The following NRXN1 variants were observed in gnomAD, a reference collection of about 807,000 sequenced individuals.
NRXN1 encodes the protein neurexin 1, also known as neurexin-1.
Under a neutral mutation model 150.9 loss-of-function variants are expected in NRXN1, and 39 were observed. The ratio of observed to expected loss-of-function variants is 0.26; its 90% confidence interval spans 0.20 to 0.34. NRXN1 has a LOEUF of 0.34. Ranked by LOEUF, NRXN1 falls within the 10% of genes least tolerant of loss-of-function variation. The pLI, the probability that NRXN1 is intolerant of heterozygous loss-of-function variation, is 1.00. For synonymous variants in NRXN1, 924 were observed against 757.0 expected (o/e 1.22, Z -3.62); for missense variants, 1,815 against 1,949.9 (o/e 0.93, Z 1.30).
At chr2:50,730,667 GTTTTCTTT>G (rs1697979377) in intron 5 of NRXN1, among the ~76,000 whole-genome samples, 1 of 107,092 alleles carries the variant, frequency 9.3e-6, no homozygotes. Flanking sequence ...TATCTTTCTT[GTTTTCTTT>G]TTTTTTTTTT....
chr2:50,019,640 T>TAAAAAA, intron 21 of NRXN1, among the ~76,000 whole-genome samples: 1 of 6,002 alleles, frequency 1.7e-4, no homozygotes, highest in Non-Finnish European at 2.9e-4. Context: ...AGATTCCGTC[T>TAAAAAA]CAAAAAAAAA....
chr2:50,640,023 A>G (rs1683839879), intron 5 of NRXN1, among the ~76,000 whole-genome samples: 1 of 152,204 alleles, frequency 6.6e-6, no homozygotes, highest in African/African-American at 2.4e-5. Flanking sequence ...GTTAATTATT[A>G]GCAAATGCTA....
Position 50,251,625 on chromosome 2 carries a change from T to TG in NRXN1, c.3365-14656dup, listed in dbSNP as rs550690325. 6.0e-4 allele frequency among the ~76,000 whole-genome samples: 92 copies of TG among 152,292 alleles called. 1 individual carries two copies. The highest frequency in any genetic ancestry group is 1.1e-3 in the Non-Finnish European group (75 of 68,018). On this transcript the variant is annotated intron_variant, in intron 17 of 22. Coordinates refer to ENST00000401669, the MANE Select transcript of NRXN1 (RefSeq NM_001330078.2). ...TTGGCACACTGTCTTCCACACTGGT[T>TG]GAACTAATTTACATTCCCACCAACA...
Position 50,497,722 on chromosome 2 carries a change from A to G in NRXN1, c.2498-8T>C, listed in dbSNP as rs775167794. 4 of 1,597,486 alleles carry G rather than the reference A, an allele frequency of 2.5e-6. No individual in the cohort carries two copies. Among genetic ancestry groups the G allele is most frequent in the South Asian group, 1.1e-5 (1 of 88,676 alleles). ...GATCACCTGCCATTTGACCTAAAAGAGAAGATAATATATGATTATTTTCTG... is the reference window on the plus strand; with the variant it reads ...GATCACCTGCCATTTGACCTAAAAGGGAAGATAATATATGATTATTTTCTG... On this transcript the variant is annotated splice_region_variant and splice_polypyrimidine_tract_variant and intron_variant, in intron 13 of 22. Coordinates refer to ENST00000401669, the MANE Select transcript of NRXN1 (RefSeq NM_001330078.2).
At chr2:50,404,569 A>C (rs1455730342) in intron 17 of NRXN1, among the ~76,000 whole-genome samples, 1 of 152,092 alleles carries the variant, frequency 6.6e-6, no homozygotes, top group Non-Finnish European at 1.5e-5. Flanking sequence ...AAGCCCCTCC[A>C]ATCTTCTTTA....
At chr2:49,938,454 G>A (rs1671420201) in intron 22 of NRXN1, among the ~76,000 whole-genome samples, 1 of 152,138 alleles carries the variant, frequency 6.6e-6, no homozygotes. Flanking sequence ...TCTTTTGAGT[G>A]GTTGTACTGA....
chr2:50,499,544 C>A (rs1239544270), intron 13 of NRXN1, among the ~76,000 whole-genome samples: 1 of 148,906 alleles, frequency 6.7e-6, no homozygotes, highest in Non-Finnish European at 1.5e-5. Flanking sequence ...CTGTGGGGAT[C>A]TACTTCTTTG....
intron 17 of NRXN1, among the ~76,000 whole-genome samples, chr2:50,395,366 TA>T (rs1309826174): frequency 6.6e-6 from 1 of 151,530 alleles, no homozygotes; most frequent in Non-Finnish European, 1.5e-5. Flanking sequence ...AAAGATCACT[TA>T]AAATATTTTA....
At chr2:50,741,276 A>G (rs1699388108) in intron 5 of NRXN1, among the ~76,000 whole-genome samples, 2 of 152,034 alleles carry the variant, frequency 1.3e-5, no homozygotes, top group Admixed American at 6.6e-5. Flanking sequence ...ATAAATATCT[A>G]TTTCTCTATG....
intron 13 of NRXN1, among the ~76,000 whole-genome samples, chr2:50,504,433 G>A (rs2092118209): frequency 6.6e-6 from 1 of 152,096 alleles, no homozygotes. Context: ...AGAGAGAGAA[G>A]AGACAGTGAG....
At chr2:50,480,372 T>C (rs1426316511) in intron 15 of NRXN1, among the ~76,000 whole-genome samples, 4 of 152,178 alleles carry the variant, frequency 2.6e-5, no homozygotes. Context: ...TATCCTGGCC[T>C]TCTGTTTCAT....
chr2:50,424,004 G>C (rs1489875823), intron 17 of NRXN1, among the ~76,000 whole-genome samples: 1 of 151,906 alleles, frequency 6.6e-6, no homozygotes, highest in African/African-American at 2.4e-5. Context: ...AGATAGGCTG[G>C]AGCCAGATCC....
At chr2:50,162,174 T>G (rs2059403650) in intron 18 of NRXN1, among the ~76,000 whole-genome samples, 3 of 152,116 alleles carry the variant, frequency 2.0e-5, no homozygotes, top group Admixed American at 6.6e-5. Flanking sequence ...ATGTTTTGGT[T>G]TCATGAAACT....
chr2:50,306,474 G>C (rs909737567), intron 17 of NRXN1, among the ~76,000 whole-genome samples: 1 of 152,254 alleles, frequency 6.6e-6, no homozygotes, highest in Admixed American at 6.5e-5. Context: ...GTCATTCAGA[G>C]GAGAAGCTAT....
At chr2:50,862,667 C>T (rs1001162515) in intron 5 of NRXN1, among the ~76,000 whole-genome samples, 1 of 152,076 alleles carries the variant, frequency 6.6e-6, no homozygotes, top group Non-Finnish European at 1.5e-5. Context: ...TAGTACATGA[C>T]TGCTGTTTAT....
At chr2:50,129,089 C>T (rs28491293) in intron 18 of NRXN1, among the ~76,000 whole-genome samples, 3,533 of 152,144 alleles carry the variant, frequency 0.023, 133 homozygotes, top group African/African-American at 0.08. Flanking sequence ...AAGAAAAACC[C>T]TATGATTTTG....
At chr2:50,031,738 TG>T (rs1689207905) in intron 21 of NRXN1, among the ~76,000 whole-genome samples, 1 of 152,098 alleles carries the variant, frequency 6.6e-6, no homozygotes, top group Non-Finnish European at 1.5e-5. Flanking sequence ...GTGCTAGAGA[TG>T]TGTCTCAAAA....
At chr2:50,218,066 A>G (rs1156294484) in intron 18 of NRXN1, among the ~76,000 whole-genome samples, 2 of 152,066 alleles carry the variant, frequency 1.3e-5, no homozygotes, top group Non-Finnish European at 2.9e-5. Flanking sequence ...GGTGCTCCTG[A>G]GGCATCAAGG....
At chr2:50,379,498 G>C (rs1266048499) in intron 17 of NRXN1, among the ~76,000 whole-genome samples, 1 of 152,116 alleles carries the variant, frequency 6.6e-6, no homozygotes, top group African/African-American at 2.4e-5. Context: ...GCTAGGCAGA[G>C]CACCATGGCT....
Sources: allele counts gnomAD v4.1 joint callset (sites outside exome capture counted in the v4.1 genomes callset), GRCh38; gene constraint gnomAD v4.1.1; transcripts MANE v1.5; gene names NCBI Gene and HGNC (gene_info 2026-07-23, HGNC 2026-07-21).